The following SCYL3 variants were observed in gnomAD, a reference collection of about 807,000 sequenced individuals.
The protein encoded by SCYL3 is SCY1 like pseudokinase 3, also known as protein-associating with the carboxyl-terminal domain of ezrin.
A neutral mutation model predicts 73.8 loss-of-function variants in SCYL3; 35 were observed. The ratio of observed to expected loss-of-function variants is 0.47; its 90% CI spans 0.36 to 0.63. The LOEUF (loss-of-function observed/expected upper bound fraction) is 0.63. SCYL3 is among the 20% of genes least tolerant of loss of function. The pLI is 0.00. For missense variants in SCYL3, 712 were observed against 798.9 expected (o/e 0.89, Z 1.31); for synonymous variants, 277 against 295.2 (o/e 0.94, Z 0.63).
At chr1:169,860,907 C>T (rs916852670) in intron 10 of SCYL3, among the ~76,000 whole-genome samples, 1 of 152,230 alleles carries the variant, frequency 6.6e-6, no homozygotes, top group Non-Finnish European at 1.5e-5. Context: ...AACTTTCTAG[C>T]ACACACAAAT....
In SCYL3 at chr1:169,854,760, C is replaced by T; in HGVS notation, c.1517G>A (p.Cys506Tyr). 6.2e-7 allele frequency: 1 copy of T among 1,614,034 alleles called. No homozygotes were observed. ...TGACTCTTCCACATCCAAGGTAGTGCACTGGGACTTGACATCATCACAAGG... is the reference window on the plus strand; with the variant it reads ...TGACTCTTCCACATCCAAGGTAGTGTACTGGGACTTGACATCATCACAAGG... ...REPCDDVKSQ[C>Y]TTLDVEESSW... The change falls in exon 12 of 13, where the codon TGC (cysteine) becomes TAC (tyrosine). Residue 506 changes from cysteine (C) to tyrosine (Y), a missense_variant. By Grantham distance (194) the Cys-to-Tyr change is radical (BLOSUM62 -2). Coordinates refer to ENST00000367771, the MANE Select transcript of SCYL3 (RefSeq NM_020423.7).
rs1050404923 is a variant in SCYL3 at position 169,851,890 on chromosome 1, C to G, written c.*1823G>C. On this transcript the variant is annotated 3_prime_UTR_variant, in exon 13 of 13. Coordinates refer to ENST00000367771, the MANE Select transcript of SCYL3 (RefSeq NM_020423.7). ...CAGGAAAAAGGTATTTTCTGGGAACCCTTTGCTAATGTGACTGTAGAAGAA... is the reference window on the plus strand; with the variant it reads ...CAGGAAAAAGGTATTTTCTGGGAACGCTTTGCTAATGTGACTGTAGAAGAA... 6.2e-6 allele frequency: 10 copies of G among 1,613,962 alleles called. No individual in the cohort carries two copies. The highest frequency in any genetic ancestry group is 7.6e-6 in the Non-Finnish European group (9 of 1,179,956).
At chr1:169,870,389 G>T in intron 5 of SCYL3, 32 bp from the exon 6 acceptor site, 1 of 1,453,978 alleles carries the variant, frequency 6.9e-7, no homozygotes, top group Non-Finnish European at 9.6e-7. Context: ...AAAACTAGAG[G>T]ATCTGCCTTA....
chr1:169,893,046 C>A (rs865964855), intron 1 of SCYL3, among the ~76,000 whole-genome samples: 2 of 152,140 alleles, frequency 1.3e-5, no homozygotes, highest in African/African-American at 4.8e-5. Flanking sequence ...GCATTGCTAG[C>A]TGACAAGCAA....
At chr1:169,856,159 A>G (rs17602610) in intron 11 of SCYL3, among the ~76,000 whole-genome samples, 5,306 of 152,302 alleles carry the variant, frequency 0.035, 127 homozygotes, top group Non-Finnish European at 0.054. Context: ...GTGTTTAAGA[A>G]CAGGCTGTGT....
At chr1:169,891,635 AG>A (rs1441791989) in intron 1 of SCYL3, among the ~76,000 whole-genome samples, 2 of 152,214 alleles carry the variant, frequency 1.3e-5, no homozygotes, top group African/African-American at 4.8e-5. Context: ...GCAGAGAATA[AG>A]GGACTGTATA....
intron 11 of SCYL3, among the ~76,000 whole-genome samples, chr1:169,857,727 C>T (rs1401835699): frequency 6.8e-6 from 1 of 147,502 alleles, no homozygotes; most frequent in African/African-American, 2.5e-5. Flanking sequence ...ACCATTTAAG[C>T]AAAAATCCTA....
intron 8 of SCYL3, among the ~76,000 whole-genome samples, chr1:169,865,073 A>AT (rs771022450): frequency 4.2e-4 from 64 of 152,092 alleles, no homozygotes; most frequent in Admixed American, 8.5e-4. Flanking sequence ...CCTTACTAAT[A>AT]GTCAAAGTGC....
chr1:169,876,118 G>A, intron 3 of SCYL3, 27 bp from the exon 4 acceptor site: 1 of 1,312,864 alleles, frequency 7.6e-7, no homozygotes, highest in Non-Finnish European at 1.1e-6. Flanking sequence ...ACAGAAGGAA[G>A]AGTGCCACTC....
At chr1:169,864,181 G>A (rs1282468153) in intron 9 of SCYL3, among the ~76,000 whole-genome samples, 188 bp downstream of exon 9, 1 of 152,182 alleles carries the variant, frequency 6.6e-6, no homozygotes, top group Non-Finnish European at 1.5e-5. Context: ...CTAGGAAGAT[G>A]CTTCATTTAT....
chr1:169,883,564 C>G (rs969191086), intron 2 of SCYL3, among the ~76,000 whole-genome samples: 1 of 152,162 alleles, frequency 6.6e-6, no homozygotes. Context: ...GCAGTGAATA[C>G]TGAACACCTT....
intron 9 of SCYL3, among the ~76,000 whole-genome samples, chr1:169,864,161 A>G (rs1659859021): frequency 6.6e-6 from 1 of 152,188 alleles, no homozygotes; most frequent in Non-Finnish European, 1.5e-5. Flanking sequence ...ACTATAGTAA[A>G]TTGGACTCTC....
chr1:169,884,293 T>A (rs544604381), intron 2 of SCYL3, among the ~76,000 whole-genome samples: 1 of 152,298 alleles, frequency 6.6e-6, no homozygotes, highest in African/African-American at 2.4e-5. Context: ...AGTGTTTTTT[T>A]ATTTCGTTTT....
chr1:169,880,982 G>T (rs185052785), intron 2 of SCYL3, among the ~76,000 whole-genome samples: 2 of 152,094 alleles, frequency 1.3e-5, no homozygotes, highest in African/African-American at 2.4e-5. Flanking sequence ...GGCTGCTCTC[G>T]AATTCCTGAC....
intron 2 of SCYL3, among the ~76,000 whole-genome samples, chr1:169,884,995 G>A (rs1463598722): frequency 1.3e-5 from 2 of 152,182 alleles, no homozygotes; most frequent in East Asian, 3.8e-4. Flanking sequence ...TACTTGCTAA[G>A]GGTAACTAGG....
At chr1:169,890,942 T>G (rs900113190) in intron 1 of SCYL3, among the ~76,000 whole-genome samples, 2 of 152,200 alleles carry the variant, frequency 1.3e-5, no homozygotes, top group African/African-American at 4.8e-5. Flanking sequence ...TGTCACAACC[T>G]CCTGCTGAGT....
At chr1:169,864,289 A>G in intron 9 of SCYL3, 80 bp downstream of exon 9, 7 of 1,560,206 alleles carry the variant, frequency 4.5e-6, no homozygotes, top group African/African-American at 1.4e-5. Flanking sequence ...TACACCACAC[A>G]GTAATCTCAT....
rs1658364034 is a variant in SCYL3, at chr1:169,851,702, T to A, written c.*2011A>T. 5.6e-6 allele frequency: 7 copies of A among 1,258,676 alleles called. No homozygotes were observed. The Admixed American group carries it at 1.6e-4, about 28-fold the overall frequency. The allele number at this position is 1,258,676 out of a possible 1,614,324, so 78.0% of individuals were successfully genotyped here. A position where few individuals can be genotyped will look rare whatever the true frequency, so the allele number is the denominator to read the frequency against. ...GTATTTATAGATCAGTCCATGTGAC[T>A]TCCAGAATTTGCCTAGTATGGTTGA... On this transcript the variant is annotated 3_prime_UTR_variant, in exon 13 of 13. Coordinates refer to ENST00000367771, the MANE Select transcript of SCYL3 (RefSeq NM_020423.7).
Position 169,853,166 on chromosome 1 carries a change from T to G in SCYL3, c.*547A>C, listed in dbSNP as rs1212455324. 11 of 646,722 alleles carry G rather than the reference T, an allele frequency of 1.7e-5. 1 individual carries two copies. The highest frequency in any genetic ancestry group is 5.8e-5 in the Admixed American group (2 of 34,522). 40.1% of individuals were successfully genotyped at this position (646,722 alleles called of 1,614,324 possible). A position where few individuals can be genotyped will look rare whatever the true frequency, so the allele number is the denominator to read the frequency against. ...ATTCTTATTAAGAACTTTGGTACAA[T>G]GTACTACATGTGGAACAGTCAGGAA... On this transcript the variant is annotated 3_prime_UTR_variant, in exon 13 of 13. Transcript: ENST00000367771.
Sources: gnomAD v4.1 joint callset for allele counts (sites outside exome capture counted in the v4.1 genomes callset) on GRCh38, gnomAD v4.1.1 for gene constraint, MANE v1.5 for transcripts, NCBI Gene and HGNC (gene_info 2026-07-23, HGNC 2026-07-21) for gene names.